Variants in MACROD2 observed in about 807,000 individuals in gnomAD.
MACROD2 encodes mono-ADP ribosylhydrolase 2.
MACROD2 carries 36 observed loss-of-function variants against 70.4 expected under a neutral mutation model. The ratio of observed to expected loss-of-function variants is 0.51; its 90% CI spans 0.39 to 0.68. The LOEUF is 0.68. Among genes scored for constraint, MACROD2 ranks in the 30% least tolerant of loss-of-function variants. The pLI is 0.00. For synonymous variants in MACROD2, 172 were observed against 178.8 expected (o/e 0.96, Z 0.30); for missense variants, 496 against 538.4 (o/e 0.92, Z 0.78).
At chr20:14,427,584 AT>A (rs1353647360) in intron 3 of MACROD2, among the ~76,000 whole-genome samples, 3 of 152,064 alleles carry the variant, frequency 2.0e-5, no homozygotes, top group African/African-American at 7.2e-5. Context: ...ATCTGTATAC[AT>A]ACACAAACAT....
At chr20:14,378,820 C>G (rs1355833621) in intron 3 of MACROD2, among the ~76,000 whole-genome samples, 3 of 152,188 alleles carry the variant, frequency 2.0e-5, no homozygotes, top group Non-Finnish European at 4.4e-5. Context: ...GTCTTCCTTC[C>G]AGTTCATCAG....
chr20:15,215,532 A>G (rs2076802935), intron 5 of MACROD2, among the ~76,000 whole-genome samples: 1 of 152,070 alleles, frequency 6.6e-6, no homozygotes, highest in Admixed American at 6.6e-5. Context: ...TGCATTACAA[A>G]TAAAACCCTG....
intron 3 of MACROD2, among the ~76,000 whole-genome samples, chr20:14,348,648 A>AT (rs2083089210): frequency 6.6e-6 from 1 of 152,064 alleles, no homozygotes; most frequent in Non-Finnish European, 1.5e-5. Flanking sequence ...CCCTAATTCT[A>AT]TTTTTTCTCC....
At chr20:14,589,052 T>A (rs1370989868) in intron 4 of MACROD2, among the ~76,000 whole-genome samples, 1 of 152,218 alleles carries the variant, frequency 6.6e-6, no homozygotes, top group Non-Finnish European at 1.5e-5. Flanking sequence ...TATGACTTTC[T>A]GTTTCTGTAT....
At chr20:14,733,581 A>G (rs559285703) in intron 5 of MACROD2, among the ~76,000 whole-genome samples, 7 of 152,124 alleles carry the variant, frequency 4.6e-5, no homozygotes, top group African/African-American at 1.7e-4. Context: ...AGAGTGTAGA[A>G]AAATGAATTC....
intron 15 of MACROD2, among the ~76,000 whole-genome samples, chr20:16,018,181 C>T (rs6080097): frequency 0.12 from 18,733 of 152,148 alleles, 1,341 homozygotes; most frequent in Middle Eastern, 0.19. Context: ...AAGAGGACAA[C>T]GCAGAGCAAA....
intron 3 of MACROD2, among the ~76,000 whole-genome samples, chr20:14,376,978 T>C (rs1449665205): frequency 6.6e-6 from 1 of 152,078 alleles, no homozygotes; most frequent in Non-Finnish European, 1.5e-5. Context: ...AATATTGGCA[T>C]AACTTCCAGC....
intron 8 of MACROD2, among the ~76,000 whole-genome samples, chr20:15,805,802 A>G (rs551510743): frequency 1.1e-4 from 16 of 152,346 alleles, no homozygotes; most frequent in African/African-American, 3.4e-4. Context: ...TCTAAGGTAC[A>G]TGATGGAGAA....
intron 7 of MACROD2, among the ~76,000 whole-genome samples, chr20:15,456,678 A>C (rs1372649359): frequency 2.0e-5 from 3 of 151,964 alleles, no homozygotes; most frequent in African/African-American, 7.2e-5. Context: ...TCTTTCCCTC[A>C]TTTTCCCTAG....
At chr20:14,978,329 G>A (rs2074761190) in intron 5 of MACROD2, among the ~76,000 whole-genome samples, 1 of 151,992 alleles carries the variant, frequency 6.6e-6, no homozygotes, top group African/African-American at 2.4e-5. Flanking sequence ...TATTAAAGTG[G>A]CCACAAGTAT....
intron 15 of MACROD2, among the ~76,000 whole-genome samples, chr20:15,993,625 A>G (rs541553964): frequency 1.3e-5 from 2 of 152,266 alleles, no homozygotes; most frequent in East Asian, 3.9e-4. Context: ...ATCACTGTAT[A>G]TTGATTAGGA....
At chr20:15,086,633 T>A (rs538264163) in intron 5 of MACROD2, among the ~76,000 whole-genome samples, 2 of 152,318 alleles carry the variant, frequency 1.3e-5, no homozygotes, top group East Asian at 3.9e-4. Context: ...CACTAACATT[T>A]GATTGCTGCT....
At chr20:14,109,247 C>T (rs2054414459) in intron 3 of MACROD2, among the ~76,000 whole-genome samples, 1 of 151,698 alleles carries the variant, frequency 6.6e-6, no homozygotes, top group Non-Finnish European at 1.5e-5. Context: ...GTACCAAAAC[C>T]TATGGGGTAT....
At chr20:15,622,433 A>T (rs2049140401) in intron 8 of MACROD2, among the ~76,000 whole-genome samples, 1 of 152,190 alleles carries the variant, frequency 6.6e-6, no homozygotes, top group Non-Finnish European at 1.5e-5. Context: ...CTTTGGAGCC[A>T]TGGTGAGGTA....
chr20:15,861,258 A>G lies in MACROD2; in HGVS notation c.646-1487A>G, dbSNP rs73099271. ...TTGCAACTTGTTGCTGTCACTCAAC[A>G]TTATGATTTTGTGCTTTAGCCACAG... is the stretch of plus-strand genomic sequence containing the variant. On this transcript the variant is annotated intron_variant, in intron 8 of 17. Coordinates refer to ENST00000684519, the MANE Select transcript of MACROD2 (RefSeq NM_001351661.2). Among the ~76,000 whole-genome samples, 1,519 of 152,340 alleles carry G rather than the reference A, an allele frequency of 1.0e-2. 12 individuals are homozygous for G. Among genetic ancestry groups the G allele is most frequent in the Middle Eastern group, 0.024 (7 of 294 alleles).
chr20:14,797,650 T>C (rs962498278), intron 5 of MACROD2, among the ~76,000 whole-genome samples: 1 of 152,092 alleles, frequency 6.6e-6, no homozygotes, highest in Non-Finnish European at 1.5e-5. Flanking sequence ...CCCTATCCCT[T>C]TGTAGCACTG....
At chr20:14,417,777 T>A (rs1224303638) in intron 3 of MACROD2, among the ~76,000 whole-genome samples, 1 of 152,218 alleles carries the variant, frequency 6.6e-6, no homozygotes. Flanking sequence ...TACTTCTGTT[T>A]TGAATCCTTC....
chr20:15,085,873 A>C (rs200417099), intron 5 of MACROD2, among the ~76,000 whole-genome samples: 1,634 of 144,360 alleles, frequency 0.011, 34 homozygotes, highest in African/African-American at 0.04. Context: ...ACACACACAC[A>C]ACACACACAC....
At chr20:15,892,404 T>C (rs1428765767) in intron 10 of MACROD2, among the ~76,000 whole-genome samples, 1 of 152,170 alleles carries the variant, frequency 6.6e-6, no homozygotes, top group African/African-American at 2.4e-5. Context: ...TTGAGGAAAA[T>C]AGGAAGCACA....
Sources: allele counts gnomAD v4.1 joint callset (sites outside exome capture counted in the v4.1 genomes callset), GRCh38; gene constraint gnomAD v4.1.1; transcripts MANE v1.5; gene names NCBI Gene and HGNC (gene_info 2026-07-23, HGNC 2026-07-21).